FUT8: variants seen among roughly 807,000 people sequenced by gnomAD.
The protein encoded by FUT8 is alpha-(1,6)-fucosyltransferase.
A neutral mutation model predicts 71.3 loss-of-function variants in FUT8; 29 were observed. That is an observed-to-expected ratio of 0.41 (90% CI 0.30 to 0.55). The LOEUF is 0.55. FUT8 is among the 20% of genes least tolerant of loss of function. The probability of loss-of-function intolerance (pLI) is 0.34; values close to 1 mark genes in which losing one functional copy is unlikely to be tolerated. For synonymous variants in FUT8, 254 were observed against 239.3 expected, an observed-to-expected ratio of 1.06 and a Z score of -0.57; for missense variants, 544 against 702.1, an observed-to-expected ratio of 0.77 and a Z score of 2.55.
rs1888410891 is a variant in FUT8 at position 65,603,411 on chromosome 14, G to C, written c.204-12567G>C. On this transcript the variant is annotated intron_variant, in intron 3 of 10. Coordinates refer to ENST00000673929, the MANE Select transcript of FUT8 (RefSeq NM_001371533.1). This position sits in a 1 kb window ranked among gnomAD's most constrained non-coding sequence, Gnocchi z 4.5. ...AGTATGGTTTGAAATCAGGTAGTGT[G>C]ATGCCTCCAGATTTGTTCTTTTTGC... Among the ~76,000 whole-genome samples the C allele has an allele frequency of 6.6e-6, 1 of 151,746 alleles. No individual in the cohort carries two copies. Among genetic ancestry groups the C allele is most frequent in the African/African-American group, 2.4e-5 (1 of 41,356 alleles).
At position 65,631,883 on chromosome 14, in the gene FUT8, T is replaced by C. The variant is rs193008589; in HGVS notation, c.597+2277T>C. On this transcript the variant is annotated intron_variant, in intron 6 of 10. Transcript: ENST00000673929. ...CGTCCCTCCAAGTCCCCAAAGTTCATTGTATCATTCTTATGCCTTTGTGTC... is the reference window on the plus strand; with the variant it reads ...CGTCCCTCCAAGTCCCCAAAGTTCACTGTATCATTCTTATGCCTTTGTGTC... 1.5e-3 allele frequency among the ~76,000 whole-genome samples: 213 copies of C among 143,102 alleles called. 1 individual carries two copies. Among genetic ancestry groups the C allele is most frequent in the African/African-American group, 5.0e-3 (201 of 40,094 alleles). 93.9% of individuals were successfully genotyped at this position (143,102 alleles called of 152,430 possible). A position where few individuals can be genotyped will look rare whatever the true frequency, so the allele number is the denominator to read the frequency against.
intron 6 of FUT8, among the ~76,000 whole-genome samples, chr14:65,637,323 G>C (rs1329396437): frequency 6.6e-6 from 1 of 152,112 alleles, no homozygotes; most frequent in East Asian, 1.9e-4. Context: ...TGTTAAACAG[G>C]CACGATGAGT....
intron 2 of FUT8, among the ~76,000 whole-genome samples, chr14:65,507,527 A>G (rs1422719510): frequency 6.6e-6 from 1 of 152,020 alleles, no homozygotes; most frequent in Non-Finnish European, 1.5e-5. Context: ...TGATTTTTAG[A>G]TCCCACAAAT....
intron 7 of FUT8, among the ~76,000 whole-genome samples, chr14:65,720,631 G>A (rs769976395): frequency 2.6e-5 from 4 of 152,120 alleles, no homozygotes; most frequent in Admixed American, 6.5e-5. Flanking sequence ...GGCTCACTAG[G>A]TTACGTGCCC....
the FUT8 span, among the ~76,000 whole-genome samples, chr14:65,360,135 A>G: frequency 6.6e-6 from 1 of 152,194 alleles, no homozygotes; most frequent in Non-Finnish European, 1.5e-5. Context: ...CTGGCCAGGC[A>G]CACTCATTTT....
chr14:65,636,621 AG>A (rs1890572700), intron 6 of FUT8: 1 of 152,214 alleles, frequency 6.6e-6, no homozygotes, highest in Non-Finnish European at 1.5e-5. Context: ...ATTCAGGAGC[AG>A]GTAATTTAAT....
At chr14:65,716,730 C>T (rs941465472) in intron 7 of FUT8, among the ~76,000 whole-genome samples, 6 of 152,132 alleles carry the variant, frequency 3.9e-5, no homozygotes, top group South Asian at 4.1e-4. Context: ...GGCCTGTTCT[C>T]GATGGTCGCT....
chr14:65,430,650 T>A (rs2184601), intron 1 of FUT8, among the ~76,000 whole-genome samples: 104,903 of 152,110 alleles, frequency 0.69, 36,484 homozygotes, highest in East Asian at 0.9. Flanking sequence ...GGATTTCTTG[T>A]GTAATCAAAT....
chr14:65,664,587 G>A (rs1050552981), intron 6 of FUT8, among the ~76,000 whole-genome samples: 2 of 152,084 alleles, frequency 1.3e-5, no homozygotes, highest in Admixed American at 6.6e-5. Flanking sequence ...AGCTTGCTGT[G>A]ACACATTTGA....
chr14:65,381,224 TTTTCTC>T, the FUT8 span, among the ~76,000 whole-genome samples: 1 of 152,196 alleles, frequency 6.6e-6, no homozygotes, highest in Non-Finnish European at 1.5e-5. Flanking sequence ...ATAATAGGCT[TTTTCTC>T]TTTCTTAAAT....
At chr14:65,459,412 T>A (rs2065941020) in intron 2 of FUT8, among the ~76,000 whole-genome samples, 1 of 152,200 alleles carries the variant, frequency 6.6e-6, no homozygotes, top group Non-Finnish European at 1.5e-5. Flanking sequence ...ATATTCAATA[T>A]CAGCATATTT....
chr14:65,414,911 T>G (rs1348046827), intron 1 of FUT8, among the ~76,000 whole-genome samples: 1 of 152,216 alleles, frequency 6.6e-6, no homozygotes, highest in Non-Finnish European at 1.5e-5. Flanking sequence ...TTATATAGGT[T>G]ATATTTTGAG....
chr14:65,425,148 A>C (rs2139403507), intron 1 of FUT8, among the ~76,000 whole-genome samples: 1 of 152,030 alleles, frequency 6.6e-6, no homozygotes, highest in South Asian at 2.1e-4. Context: ...GCTAAAAACA[A>C]TTAGAAAAAA....
At chr14:65,375,750 G>C in the FUT8 span, among the ~76,000 whole-genome samples, 2 of 152,242 alleles carry the variant, frequency 1.3e-5, no homozygotes, top group Non-Finnish European at 2.9e-5. Flanking sequence ...ATGTTTGTCA[G>C]ACATTGCCTC....
chr14:65,559,245 G>GA (rs898665211), intron 2 of FUT8, among the ~76,000 whole-genome samples: 2 of 152,006 alleles, frequency 1.3e-5, no homozygotes, highest in South Asian at 2.1e-4. Context: ...TGAAGGGAAA[G>GA]AAAAAAATTG....
chr14:65,364,995 G>A, the FUT8 span, among the ~76,000 whole-genome samples: 2 of 152,074 alleles, frequency 1.3e-5, no homozygotes, highest in African/African-American at 4.8e-5. Flanking sequence ...GGTACAGTGT[G>A]TACCTTTTGA....
intron 3 of FUT8, among the ~76,000 whole-genome samples, chr14:65,566,623 G>T (rs1271564301): frequency 6.6e-6 from 1 of 151,714 alleles, no homozygotes; most frequent in Non-Finnish European, 1.5e-5. Flanking sequence ...GATATTTCTT[G>T]GGAAACTCTT....
chr14:65,696,168 A>G (rs532057718), intron 7 of FUT8, among the ~76,000 whole-genome samples: 1 of 152,256 alleles, frequency 6.6e-6, no homozygotes, highest in South Asian at 2.1e-4. Flanking sequence ...AAAAGATTTC[A>G]TTTATACCTC....
chr14:65,542,546 C>A (rs1273065087), intron 2 of FUT8, among the ~76,000 whole-genome samples: 1 of 152,154 alleles, frequency 6.6e-6, no homozygotes, highest in Non-Finnish European at 1.5e-5. Flanking sequence ...TGAATACCAG[C>A]CAGTGATACC....
Sources: allele counts gnomAD v4.1 joint callset (sites outside exome capture counted in the v4.1 genomes callset), GRCh38; gene constraint gnomAD v4.1.1; non-coding constraint Gnocchi (gnomAD v3.1); transcripts MANE v1.5; gene names NCBI Gene and HGNC (gene_info 2026-07-23, HGNC 2026-07-21).